Variants in BARD1 observed in about 807,000 individuals in gnomAD.
BARD1 encodes BRCA1-associated RING domain protein 1.
A neutral mutation model predicts 77.0 loss-of-function variants in BARD1; 73 were observed. The ratio of observed to expected loss-of-function variants is 0.95; its 90% CI spans 0.79 to 1.15. The LOEUF (loss-of-function observed/expected upper bound fraction) is 1.15. BARD1 is among the 50% of genes most tolerant of loss of function. The pLI, the probability that BARD1 is intolerant of heterozygous loss-of-function variation, is 0.00. For missense variants in BARD1, 993 were observed against 938.8 expected (o/e 1.06, Z -0.75); for synonymous variants, 384 against 338.0 (o/e 1.14, Z -1.49).
In BARD1 at chr2:214,808,519, C is replaced by G. The variant is rs1037092702; in HGVS notation, c.158+893G>C. Among the ~76,000 whole-genome samples, 13 of 152,164 alleles carry G rather than the reference C, an allele frequency of 8.5e-5. No individual in the cohort carries two copies. The East Asian group carries it at 2.3e-3, about 27-fold the overall frequency. On this transcript the variant is annotated intron_variant, in intron 1 of 10. Transcript: ENST00000260947. ...GAAAAAAGTCCAAAAAGGATATAAA[C>G]TTTTGACAGCTACAAATAACAAAAA... is the stretch of plus-strand genomic sequence containing the variant.
At chr2:214,778,606 G>A (rs961853744) in intron 4 of BARD1, among the ~76,000 whole-genome samples, 2 of 152,022 alleles carry the variant, frequency 1.3e-5, no homozygotes, top group Admixed American at 6.6e-5. Flanking sequence ...CACATGCCTA[G>A]ACCAAGAGTA....
intron 1 of BARD1, among the ~76,000 whole-genome samples, chr2:214,799,243 G>A (rs963375744): frequency 7.2e-5 from 11 of 152,272 alleles, no homozygotes; most frequent in African/African-American, 2.4e-4. Context: ...ACAGGTTGAG[G>A]TGAGCCGAGA....
intron 3 of BARD1, among the ~76,000 whole-genome samples, chr2:214,789,487 G>A (rs1559434034): frequency 2.0e-5 from 3 of 152,154 alleles, no homozygotes; most frequent in Non-Finnish European, 2.9e-5. Flanking sequence ...CAAGGCTTCA[G>A]TGAGCCATGA....
chr2:214,737,449 T>C (rs1017508857), intron 9 of BARD1, among the ~76,000 whole-genome samples: 5 of 152,130 alleles, frequency 3.3e-5, no homozygotes, highest in African/African-American at 9.7e-5. Flanking sequence ...ATCTTTATTT[T>C]TAGTTGGATC....
Position 214,726,867 on chromosome 2 carries a change from G to A in BARD1, c.*1809C>T. 4.4e-6 allele frequency: 1 copy of A among 228,730 alleles called. No homozygotes were observed. The highest frequency in any genetic ancestry group is 8.7e-6 in the Non-Finnish European group (1 of 115,230). The allele number at this position is 228,730 out of a possible 1,614,324, so 14.2% of individuals were successfully genotyped here. The stretch of plus-strand genomic sequence containing the variant: ...GGGGTGATAAACCAAGAAAATGAAT[G>A]ACAAAAACTAAGAGACCTCATAGGT... On this transcript the variant is annotated 3_prime_UTR_variant, in exon 11 of 11. Transcript: ENST00000260947.
At position 214,728,417 on chromosome 2, in the gene BARD1, T is replaced by C. The variant is rs1692175596; in HGVS notation, c.*259A>G. 4.2e-6 allele frequency: 2 copies of C among 479,766 alleles called. No homozygotes were observed. The highest frequency in any genetic ancestry group is 7.5e-6 in the Non-Finnish European group (2 of 267,060). 29.7% of individuals were successfully genotyped at this position (479,766 alleles called of 1,614,324 possible). On this transcript the variant is annotated 3_prime_UTR_variant, in exon 11 of 11. Transcript: ENST00000260947. ...GTCCTCATTAATCTTTGATACCCAA[T>C]AATCTGAATAGAAAGACATGATAAA...
chr2:214,797,848 CAGTG>C (rs1695827676), intron 1 of BARD1, among the ~76,000 whole-genome samples: 1 of 152,142 alleles, frequency 6.6e-6, no homozygotes, highest in Non-Finnish European at 1.5e-5. Context: ...AAGTTCCCTG[CAGTG>C]AGTGAGCAAA....
chr2:214,775,938 A>G (rs1337001141), intron 4 of BARD1, among the ~76,000 whole-genome samples: 1 of 152,230 alleles, frequency 6.6e-6, no homozygotes, highest in African/African-American at 2.4e-5. Context: ...TTCACACACA[A>G]TATAACATGA....
At chr2:214,732,938 G>A (rs1692419540) in intron 9 of BARD1, among the ~76,000 whole-genome samples, 1 of 151,600 alleles carries the variant, frequency 6.6e-6, no homozygotes, top group Admixed American at 6.6e-5. Context: ...CTTTCTGAGG[G>A]AAAAAAAATG....
chr2:214,785,929 A>C (rs577806512), intron 3 of BARD1, among the ~76,000 whole-genome samples: 3 of 151,958 alleles, frequency 2.0e-5, no homozygotes, highest in African/African-American at 7.2e-5. Context: ...GAAAGAGAAG[A>C]GAGAGAGAGA....
In BARD1 at chr2:214,752,498, T is replaced by C. The variant is rs786201551; in HGVS notation, c.1626A>G (p.Leu542=). 3 of 1,613,730 alleles carry C rather than the reference T, an allele frequency of 1.9e-6. No individual in the cohort carries two copies. The highest frequency in any genetic ancestry group is 2.2e-5 in the East Asian group (1 of 44,846). ...ATTCATTCTTCTCTGGTAGCAGCAA[T>C]AGCGATTTCATACTTTCATCATCTG... ...DYTDDESMKS[L]LLLPEKNESS... The change falls in exon 7 of 11, where the codon CTA becomes CTG. Residue 542 remains leucine, a synonymous_variant. Transcript: ENST00000260947.
chr2:214,746,030 T>C (rs1351786221), intron 7 of BARD1, among the ~76,000 whole-genome samples, 176 bp from the exon 8 acceptor site: 1 of 152,192 alleles, frequency 6.6e-6, no homozygotes, highest in African/African-American at 2.4e-5. Flanking sequence ...TTTCTCTTTA[T>C]TTTTCCCTCA....
At chr2:214,745,935 A>G in intron 7 of BARD1, 81 bp from the exon 8 acceptor site, 1 of 1,491,460 alleles carries the variant, frequency 6.7e-7, no homozygotes, top group Non-Finnish European at 9.3e-7. Context: ...TACTTGATAT[A>G]AGCTTGAATT....
intron 4 of BARD1, among the ~76,000 whole-genome samples, chr2:214,770,987 A>T (rs1408433519): frequency 6.6e-6 from 1 of 152,232 alleles, no homozygotes; most frequent in Admixed American, 6.5e-5. Context: ...TAACTCTTAA[A>T]GCCTTTTTAA....
intron 6 of BARD1, among the ~76,000 whole-genome samples, chr2:214,760,250 T>A (rs1484245520): frequency 6.6e-6 from 1 of 152,208 alleles, no homozygotes; most frequent in Non-Finnish European, 1.5e-5. Flanking sequence ...TGGAGGGTGG[T>A]GGCACGATCT....
rs1300058989 is a variant in BARD1 at position 214,751,142 on chromosome 2, TATATATATA to T, written c.1677+1296_1677+1304del. 6.7e-3 allele frequency among the ~76,000 whole-genome samples: 311 copies of T among 46,472 alleles called. 14 individuals carry two copies. Among genetic ancestry groups the T allele is most frequent in the East Asian group, 0.013 (22 of 1,686 alleles). 30.5% of individuals were successfully genotyped at this position (46,472 alleles called of 152,430 possible). ...GTATATATATATATATATATATATA[TATATATATA>T]TTTTTTTTTTTTTTTTTTTTTTTTT... On this transcript the variant is annotated intron_variant, in intron 7 of 10. Transcript: ENST00000260947.
At chr2:214,747,812 A>C (rs1485481399) in intron 7 of BARD1, among the ~76,000 whole-genome samples, 3 of 151,868 alleles carry the variant, frequency 2.0e-5, no homozygotes, top group South Asian at 4.2e-4. Context: ...CATATGTAAC[A>C]AACCTGCACG....
intron 3 of BARD1, among the ~76,000 whole-genome samples, chr2:214,790,764 A>G (rs1315043940): frequency 6.6e-6 from 1 of 152,000 alleles, no homozygotes; most frequent in Non-Finnish European, 1.5e-5. Flanking sequence ...CAGACCACAC[A>G]CTCCTAAGAA....
At chr2:214,738,603 A>C (rs1380878561) in intron 9 of BARD1, among the ~76,000 whole-genome samples, 1 of 152,180 alleles carries the variant, frequency 6.6e-6, no homozygotes, top group African/African-American at 2.4e-5. Context: ...ATGGTTTTAT[A>C]TTAAGCTTAC....
Sources: allele counts gnomAD v4.1 joint callset (sites outside exome capture counted in the v4.1 genomes callset), GRCh38; gene constraint gnomAD v4.1.1; transcripts MANE v1.5; gene names NCBI Gene and HGNC (gene_info 2026-07-23, HGNC 2026-07-21).